IL1RN: variants seen among roughly 807,000 people sequenced by gnomAD.
The protein encoded by IL1RN is interleukin 1 receptor antagonist.
A neutral mutation model predicts 13.7 loss-of-function variants in IL1RN; 10 were observed. That is an observed-to-expected ratio of 0.73 (90% CI 0.45 to 1.24). The LOEUF (loss-of-function observed/expected upper bound fraction) is 1.24. Among genes scored for constraint, IL1RN ranks in the 50% most tolerant of loss-of-function variants. The pLI is 0.00. For missense variants in IL1RN, 213 were observed against 222.1 expected (o/e 0.96, Z 0.26); for synonymous variants, 102 against 82.7 (o/e 1.23, Z -1.27).
chr2:113,108,009 T>C (rs1686413294), upstream of IL1RN, among the ~76,000 whole-genome samples: 1 of 152,212 alleles, frequency 6.6e-6, no homozygotes, highest in Non-Finnish European at 1.5e-5. Flanking sequence ...GCAAACTTAG[T>C]GGCTTTAAAA....
At chr2:113,101,362 A>G in the IL1RN span, among the ~76,000 whole-genome samples, 1 of 152,222 alleles carries the variant, frequency 6.6e-6, no homozygotes, top group East Asian at 1.9e-4. Flanking sequence ...TACAGCTGTG[A>G]TGTAAAACCG....
At chr2:113,111,562 A>G (rs1380247659) in intron 1 of IL1RN, among the ~76,000 whole-genome samples, 1 of 152,272 alleles carries the variant, frequency 6.6e-6, no homozygotes, top group East Asian at 1.9e-4. Flanking sequence ...TCAAGAGGTC[A>G]CATTCTTTCC....
At chr2:113,127,845 G>A (rs766153597) in intron 1 of IL1RN, 105 bp downstream of exon 1, 46 of 1,105,344 alleles carry the variant, frequency 4.2e-5, no homozygotes, top group Admixed American at 1.7e-4. Flanking sequence ...TGAGAACTGG[G>A]TTTGGGCTGG....
At chr2:113,105,327 G>A (rs914849277), upstream of IL1RN, among the ~76,000 whole-genome samples, 25 of 152,084 alleles carry the variant, frequency 1.6e-4, no homozygotes, top group African/African-American at 5.6e-4. Flanking sequence ...TGAGTACTAG[G>A]GCCATGGTGA....
chr2:113,132,378 G>T (rs1215108692), intron 3 of IL1RN, among the ~76,000 whole-genome samples: 1 of 152,198 alleles, frequency 6.6e-6, no homozygotes, highest in East Asian at 1.9e-4. Context: ...AACCCAGGAG[G>T]TGGAGGTTGC....
intron 1 of IL1RN, among the ~76,000 whole-genome samples, chr2:113,112,024 C>T (rs1002917460): frequency 5.9e-4 from 90 of 152,346 alleles, no homozygotes; most frequent in African/African-American, 2.0e-3. Context: ...GGCACAGCCT[C>T]CTTTTGCCAA....
At chr2:113,107,375 T>C (rs1686402920), upstream of IL1RN, 1 of 152,300 alleles carries the variant, frequency 6.6e-6, no homozygotes, top group East Asian at 1.9e-4. Context: ...TTGAAAGACA[T>C]CTTGAAAATG....
At chr2:113,114,693 G>A (rs1340130908), upstream of IL1RN, among the ~76,000 whole-genome samples, 1 of 151,988 alleles carries the variant, frequency 6.6e-6, no homozygotes, top group Non-Finnish European at 1.5e-5. Flanking sequence ...GAGAGAGAGA[G>A]AGAATGAGAA....
At chr2:113,100,008 A>T in the IL1RN span, among the ~76,000 whole-genome samples, 1 of 130,556 alleles carries the variant, frequency 7.7e-6, no homozygotes, top group South Asian at 2.8e-4. Flanking sequence ...TGCTGGGATT[A>T]CAGGCGTGAG....
At chr2:113,131,471 AG>A (rs1687168376) in intron 3 of IL1RN, among the ~76,000 whole-genome samples, 1 of 152,138 alleles carries the variant, frequency 6.6e-6, no homozygotes, top group African/African-American at 2.4e-5. Context: ...CTCAACATGC[AG>A]GCGCTTATTA....
chr2:113,126,253 T>G (rs1271807717), upstream of IL1RN, among the ~76,000 whole-genome samples: 1 of 152,224 alleles, frequency 6.6e-6, no homozygotes, highest in Non-Finnish European at 1.5e-5. Context: ...CAGAGTGTGA[T>G]GAATATTAGG....
At chr2:113,101,126 A>C in the IL1RN span, among the ~76,000 whole-genome samples, 1 of 152,218 alleles carries the variant, frequency 6.6e-6, no homozygotes, top group African/African-American at 2.4e-5. Flanking sequence ...TGGAAAGGCG[A>C]AATGTCAGAT....
intron 3 of IL1RN, among the ~76,000 whole-genome samples, chr2:113,132,312 G>A (rs1337723091): frequency 1.3e-5 from 2 of 152,214 alleles, no homozygotes; most frequent in Non-Finnish European, 2.9e-5. Context: ...GACAGGTGTG[G>A]TGGTGCATGC....
chr2:113,101,627 T>C, the IL1RN span, among the ~76,000 whole-genome samples: 1 of 152,248 alleles, frequency 6.6e-6, no homozygotes, highest in African/African-American at 2.4e-5. Flanking sequence ...CCCTGGGCTC[T>C]CGATTTTCTA....
intron 1 of IL1RN, among the ~76,000 whole-genome samples, chr2:113,128,196 C>T (rs1416907072): frequency 1.3e-5 from 2 of 152,240 alleles, no homozygotes; most frequent in African/African-American, 4.8e-5. Context: ...GTCACGATAA[C>T]TCCTTGTGTG....
upstream of IL1RN, among the ~76,000 whole-genome samples, chr2:113,113,515 C>T (rs183145848): frequency 6.6e-4 from 101 of 152,106 alleles, 1 homozygote; most frequent in Non-Finnish European, 1.1e-3. Context: ...CACATAGTAC[C>T]TATAAGTAAC....
At chr2:113,120,012 C>A in intron 1 of IL1RN, 1 of 1,399,320 alleles carries the variant, frequency 7.1e-7, no homozygotes. Flanking sequence ...TCATTCATTT[C>A]TCTGGACCTC....
the IL1RN span, among the ~76,000 whole-genome samples, chr2:113,100,748 C>G: frequency 7.2e-5 from 11 of 152,288 alleles, no homozygotes; most frequent in East Asian, 1.7e-3. Flanking sequence ...TCCTTCTTAG[C>G]ACAGGGTGGC....
upstream of IL1RN, among the ~76,000 whole-genome samples, chr2:113,105,992 A>ATC (rs779233490): frequency 2.1e-4 from 32 of 152,242 alleles, 1 homozygote; most frequent in Non-Finnish European, 3.8e-4. Flanking sequence ...TTTCATAGCC[A>ATC]TCTCACCAAT....
Sources: gnomAD v4.1 joint callset for allele counts (sites outside exome capture counted in the v4.1 genomes callset) on GRCh38, gnomAD v4.1.1 for gene constraint, MANE v1.5 for transcripts, NCBI Gene and HGNC (gene_info 2026-07-23, HGNC 2026-07-21) for gene names.